The following MBIP variants were observed in gnomAD, a reference collection of about 807,000 sequenced individuals.
MBIP encodes the protein MAP3K12 binding inhibitory protein 1, also known as MAP3K12-binding inhibitory protein 1.
Under a neutral mutation model 45.7 loss-of-function variants are expected in MBIP, and 32 were observed. The ratio of observed to expected loss-of-function variants is 0.70; its 90% confidence interval spans 0.53 to 0.94. The LOEUF (loss-of-function observed/expected upper bound fraction) is 0.94, where lower values mean the gene tolerates loss of function less well. MBIP is among the 40% of genes least tolerant of loss of function. The pLI, the probability that MBIP is intolerant of heterozygous loss-of-function variation, is 0.00. For synonymous variants in MBIP, 145 were observed against 141.0 expected (o/e 1.03, Z -0.20); for missense variants, 381 against 405.5 (o/e 0.94, Z 0.52).
intron 6 of MBIP, among the ~76,000 whole-genome samples, chr14:36,308,506 T>C (rs1307245397): frequency 1.3e-5 from 2 of 152,332 alleles, no homozygotes; most frequent in African/African-American, 2.4e-5. Flanking sequence ...TATGCTTTGA[T>C]AGTTACATGG....
intron 7 of MBIP, among the ~76,000 whole-genome samples, chr14:36,302,576 TA>T (rs1879634785): frequency 1.3e-5 from 2 of 151,250 alleles, no homozygotes; most frequent in African/African-American, 4.9e-5. Flanking sequence ...TCCATGCTAT[TA>T]AACAATCAGA....
chr14:36,314,206 T>G (rs1880393505), intron 4 of MBIP: 1 of 259,108 alleles, frequency 3.9e-6, no homozygotes, highest in Non-Finnish European at 7.3e-6. Flanking sequence ...CTTTTACTAG[T>G]GAGATAGATC....
intron 7 of MBIP, among the ~76,000 whole-genome samples, chr14:36,301,932 T>A (rs889809114): frequency 6.6e-6 from 1 of 152,236 alleles, no homozygotes; most frequent in Admixed American, 6.5e-5. Flanking sequence ...AAGACAGCAT[T>A]AAAACTCACA....
At chr14:36,311,042 A>G (rs759498219) in intron 6 of MBIP, among the ~76,000 whole-genome samples, 2 of 152,200 alleles carry the variant, frequency 1.3e-5, no homozygotes, top group Non-Finnish European at 1.5e-5. Context: ...CTTCAACTCT[A>G]GTAGTAGCAG....
chr14:36,311,869 A>C (rs946411376), intron 5 of MBIP, 90 bp downstream of exon 5: 13 of 1,264,524 alleles, frequency 1.0e-5, no homozygotes, highest in Non-Finnish European at 1.4e-5. Context: ...GTTTTAAAAT[A>C]AAATTTAGAT....
Position 36,308,166 on chromosome 14 carries a change from A to T in MBIP, c.814T>A (p.Tyr272Asn), listed in dbSNP as rs754159126. 1 of 1,601,126 alleles carries T rather than the reference A, an allele frequency of 6.2e-7. No individual in the cohort carries two copies. ...TCCTCAAGTTTTTTAATTCTCTGAT[A>T]AATGTCTCTTGGCACTGGACCACCT... ...QTGGPVPRDIYQRIKKLEDKI... is the reference protein window; with the variant it reads ...QTGGPVPRDINQRIKKLEDKI... Residue 272 changes from tyrosine to asparagine, a missense_variant, in exon 7 of 9, where the codon TAT becomes AAT. Tyr to Asn is a moderately radical substitution (Grantham distance 143). Transcript: ENST00000416007.
intron 4 of MBIP, chr14:36,313,216 C>A (rs1384034922): frequency 6.6e-6 from 1 of 150,822 alleles, no homozygotes; most frequent in Admixed American, 6.6e-5. Context: ...CCTACCATTT[C>A]ATGGGGCTAA....
At position 36,311,965 on chromosome 14, in the gene MBIP, C is replaced by T. The variant is rs1467143263; in HGVS notation, c.631G>A (p.Val211Ile). The change falls in exon 5 of 9, where the codon GTA becomes ATA. Residue 211 changes from valine (V) to isoleucine (I), a missense_variant. Physicochemically the swap from Val to Ile is conservative, Grantham distance 29. Transcript: ENST00000416007. The stretch of plus-strand genomic sequence containing the variant: ...TCATGTGGTGGTTACTTACCTTTTA[C>T]GTGACTTTTAAATCCGGGGTAAGGG... ...FTPYPGFKSH[V>I]KVSRVVNTYG... The T allele has an allele frequency of 5.0e-6, 8 of 1,592,962 alleles. No homozygotes were observed. The highest frequency in any genetic ancestry group is 1.8e-5 in the Admixed American group (1 of 56,398).
chr14:36,308,403 C>A (rs1007644198), intron 6 of MBIP, among the ~76,000 whole-genome samples: 1 of 152,128 alleles, frequency 6.6e-6, no homozygotes, highest in Non-Finnish European at 1.5e-5. Context: ...CTCTCCAAAC[C>A]CCATTTATGC....
At chr14:36,314,334 T>A (rs2139229260) in intron 4 of MBIP, 178 bp downstream of exon 4, 1 of 481,044 alleles carries the variant, frequency 2.1e-6, no homozygotes. Context: ...GAAAACCAGT[T>A]TGCAATATAG....
chr14:36,308,060 T>G (rs1176855033), intron 7 of MBIP, 32 bp downstream of exon 7: 4 of 1,162,314 alleles, frequency 3.4e-6, no homozygotes, highest in Non-Finnish European at 5.0e-6. Flanking sequence ...CAATAACATT[T>G]TCATTTATTT....
chr14:36,303,795 GC>G (rs529990578), intron 7 of MBIP, among the ~76,000 whole-genome samples: 42 of 152,226 alleles, frequency 2.8e-4, no homozygotes, highest in African/African-American at 8.7e-4. Context: ...GTTGTAAAAG[GC>G]AACTGATTCT....
rs997866148 is a variant in MBIP, at chr14:36,316,547, A to G, written c.249+146T>C. ...TGTCCTGATCACTACTGAAATTAAC[A>G]GATTTAGATTAAATCCGGATGTAAA... On this transcript the variant is annotated intron_variant, in intron 2 of 8. Transcript: ENST00000416007. 18 of 749,692 alleles carry G rather than the reference A, an allele frequency of 2.4e-5. No homozygotes were observed. In the African/African-American group the frequency reaches 2.8e-4, roughly 12 times the overall value. The allele number at this position is 749,692 out of a possible 1,614,324, so 46.4% of individuals were successfully genotyped here.
At chr14:36,300,933 A>T (rs896830885) in intron 7 of MBIP, 110 bp from the exon 8 acceptor site, 7 of 626,522 alleles carry the variant, frequency 1.1e-5, no homozygotes, top group African/African-American at 9.4e-5. Context: ...GACAGAAAAA[A>T]AACCAACCAA....
rs1236862936 is a variant in MBIP, at chr14:36,299,048, C to CA, written c.*34dup. ...ACAGTGTAAGTTACACATATGTATA[C>CA]AAAAAAGTAAAATGACAAGGATGAG... On this transcript the variant is annotated 3_prime_UTR_variant, in exon 9 of 9. Coordinates refer to ENST00000416007, the MANE Select transcript of MBIP (RefSeq NM_016586.3). 24 of 1,499,554 alleles carry CA rather than the reference C, an allele frequency of 1.6e-5. No individual in the cohort carries two copies. The highest frequency in any genetic ancestry group is 2.8e-5 in the African/African-American group (2 of 72,404). 92.9% of individuals were successfully genotyped at this position (1,499,554 alleles called of 1,614,324 possible). A position where few individuals can be genotyped will look rare whatever the true frequency, so the allele number is the denominator to read the frequency against.
At chr14:36,302,491 T>TAAAAA (rs377221159) in intron 7 of MBIP, among the ~76,000 whole-genome samples, 4 of 100,562 alleles carry the variant, frequency 4.0e-5, no homozygotes, top group African/African-American at 1.4e-4. Flanking sequence ...GACACCATCT[T>TAAAAA]AAAAAAAAAA....
Position 36,308,120 on chromosome 14 carries a change from C to G in MBIP, c.860G>C (p.Gly287Ala), listed in dbSNP as rs772871107. The change falls in exon 7 of 9, where the codon GGC (glycine) becomes GCC (alanine). Residue 287 changes from glycine (G) to alanine (A), a missense_variant. By Grantham distance (60) the Gly-to-Ala change is moderately conservative. Transcript: ENST00000416007. ...AGACTGAAAATATTCAGGAGAGATGCCTTCCAATTCAAGGATTTTATCCTC... is the reference window on the plus strand; with the variant it reads ...AGACTGAAAATATTCAGGAGAGATGGCTTCCAATTCAAGGATTTTATCCTC... ...KLEDKILELE[G>A]ISPEYFQSVS... is the part of the protein sequence containing the mutation. The G allele has an allele frequency of 6.3e-7, 1 of 1,596,082 alleles. No homozygotes were observed. Among genetic ancestry groups the G allele is most frequent in the South Asian group, 1.1e-5 (1 of 90,306 alleles).
At chr14:36,313,652 A>G (rs957663111) in intron 4 of MBIP, 1 of 152,170 alleles carries the variant, frequency 6.6e-6, no homozygotes, top group African/African-American at 2.4e-5. Context: ...GCACACAGCT[A>G]AATTCAGGAC....
chr14:36,300,719 TTAATAA>T (rs1879491464), intron 8 of MBIP, 60 bp downstream of exon 8: 16 of 1,218,744 alleles, frequency 1.3e-5, no homozygotes, highest in Middle Eastern at 3.9e-4. Flanking sequence ...GAAACTTTTA[TTAATAA>T]GAAAGGTATA....
Sources: gnomAD v4.1 joint callset for allele counts (sites outside exome capture counted in the v4.1 genomes callset) on GRCh38, gnomAD v4.1.1 for gene constraint, MANE v1.5 for transcripts, NCBI Gene and HGNC (gene_info 2026-07-23, HGNC 2026-07-21) for gene names.